COL25A1: variants seen among roughly 807,000 people sequenced by gnomAD.
The protein encoded by COL25A1 is collagen type XXV alpha 1 chain.
A neutral mutation model predicts 128.4 loss-of-function variants in COL25A1; 103 were observed. The observed-to-expected ratio is 0.80, with a 90% CI of 0.68 to 0.94. The LOEUF is 0.94. Ranked by LOEUF, COL25A1 falls within the 40% of genes least tolerant of loss-of-function variation. The pLI, the probability that COL25A1 is intolerant of heterozygous loss-of-function variation, is 0.00. For synonymous variants in COL25A1, 279 were observed against 277.2 expected (o/e 1.01, Z -0.06); for missense variants, 745 against 840.0 (o/e 0.89, Z 1.40).
chr4:108,895,351 C>T (rs1046426712), intron 16 of COL25A1, among the ~76,000 whole-genome samples: 2 of 152,162 alleles, frequency 1.3e-5, no homozygotes, highest in African/African-American at 2.4e-5. Flanking sequence ...AACTACTTAG[C>T]TTGATTTAAA....
chr4:108,852,104 G>C (rs545334871), intron 26 of COL25A1, 132 bp downstream of exon 26: 1 of 604,430 alleles, frequency 1.7e-6, no homozygotes, highest in Non-Finnish European at 2.8e-6. Context: ...TCTTTTCTTC[G>C]CTCTCTAAAA....
At chr4:109,125,857 T>C (rs1320952814) in intron 3 of COL25A1, among the ~76,000 whole-genome samples, 9 of 152,110 alleles carry the variant, frequency 5.9e-5, no homozygotes, top group Non-Finnish European at 1.2e-4. Context: ...AACACAAACA[T>C]TGCCATTTTT....
At chr4:109,036,259 C>A (rs2125921436) in intron 5 of COL25A1, among the ~76,000 whole-genome samples, 1 of 151,910 alleles carries the variant, frequency 6.6e-6, no homozygotes, top group Non-Finnish European at 1.5e-5. Flanking sequence ...TTTTTTTTTC[C>A]CCTCTAAACA....
intron 3 of COL25A1, among the ~76,000 whole-genome samples, chr4:109,291,664 A>G (rs1724483693): frequency 6.6e-6 from 1 of 152,134 alleles, no homozygotes; most frequent in Admixed American, 6.6e-5. Context: ...ATAAAGCTCC[A>G]TATGAATATC....
chr4:109,301,120 C>A (rs1725481197), intron 2 of COL25A1, among the ~76,000 whole-genome samples: 1 of 152,070 alleles, frequency 6.6e-6, no homozygotes, highest in South Asian at 2.1e-4. Context: ...TACCCTTACA[C>A]ATAACATAGA....
chr4:109,279,567 C>T (rs1359487220), intron 3 of COL25A1, among the ~76,000 whole-genome samples: 1 of 152,088 alleles, frequency 6.6e-6, no homozygotes, highest in Non-Finnish European at 1.5e-5. Context: ...CACAGCAAGA[C>T]CCTGTCTCAA....
At chr4:109,207,044 T>C (rs371163785) in intron 3 of COL25A1, among the ~76,000 whole-genome samples, 14 of 152,302 alleles carry the variant, frequency 9.2e-5, no homozygotes, top group African/African-American at 3.1e-4. Flanking sequence ...AAAGCCAAAA[T>C]TGTATGAATC....
At chr4:108,913,235 C>A (rs1744448592) in intron 13 of COL25A1, among the ~76,000 whole-genome samples, 1 of 131,416 alleles carries the variant, frequency 7.6e-6, no homozygotes, top group South Asian at 2.8e-4. Flanking sequence ...AAAAATGGGA[C>A]TTTGTGTGGT....
intron 3 of COL25A1, among the ~76,000 whole-genome samples, chr4:109,153,739 T>G (rs1029358190): frequency 2.0e-5 from 3 of 152,250 alleles, no homozygotes; most frequent in Admixed American, 1.3e-4. Context: ...GACTTTTATA[T>G]GCTCAACATG....
chr4:109,075,431 A>G (rs1000814408), intron 3 of COL25A1, among the ~76,000 whole-genome samples: 2 of 152,106 alleles, frequency 1.3e-5, no homozygotes, highest in Non-Finnish European at 2.9e-5. Context: ...TAAAGACAAG[A>G]CATGACTAGA....
At chr4:109,024,204 G>T (rs1354863305) in intron 5 of COL25A1, among the ~76,000 whole-genome samples, 4 of 152,004 alleles carry the variant, frequency 2.6e-5, no homozygotes, top group Non-Finnish European at 5.9e-5. Context: ...TAGGTTAGGT[G>T]TATTAAATGC....
chr4:109,006,468 G>C (rs1756018255), intron 6 of COL25A1, among the ~76,000 whole-genome samples: 1 of 132,796 alleles, frequency 7.5e-6, no homozygotes, highest in African/African-American at 2.8e-5. Context: ...TCAAACACCT[G>C]ACCTCAAGTG....
At chr4:109,280,887 C>T (rs369211625) in intron 3 of COL25A1, among the ~76,000 whole-genome samples, 2 of 151,832 alleles carry the variant, frequency 1.3e-5, no homozygotes, top group Non-Finnish European at 2.9e-5. Context: ...CCTTGTGATC[C>T]GCCCACCTCG....
At chr4:109,187,405 C>T (rs1775239419) in intron 3 of COL25A1, among the ~76,000 whole-genome samples, 1 of 152,208 alleles carries the variant, frequency 6.6e-6, no homozygotes, top group Non-Finnish European at 1.5e-5. Flanking sequence ...TGCCTGATTG[C>T]AAATCCTAGC....
chr4:109,058,232 GAATGTTTT>G (rs1761624527), intron 3 of COL25A1, among the ~76,000 whole-genome samples: 2 of 152,114 alleles, frequency 1.3e-5, no homozygotes, highest in Non-Finnish European at 2.9e-5. Flanking sequence ...TATGGTACTA[GAATGTTTT>G]ACCCCAGGAT....
At position 109,178,893 on chromosome 4, in the gene COL25A1, C is replaced by T. The variant is rs547058667; in HGVS notation, c.367+121690G>A. ...CATATCACCTAGCCAATCTGCTTCA[C>T]ATGAATTTTGAGACTCAAACCAAAT... On this transcript the variant is annotated intron_variant, in intron 3 of 37. Transcript: ENST00000399132. Among the ~76,000 whole-genome samples the T allele has an allele frequency of 2.1e-5, 3 of 145,986 alleles. No individual in the cohort carries two copies. The East Asian group carries it at 6.0e-4, about 29-fold the overall frequency.
intron 3 of COL25A1, among the ~76,000 whole-genome samples, chr4:109,293,957 T>C (rs1273825649): frequency 1.3e-5 from 2 of 152,140 alleles, no homozygotes; most frequent in African/African-American, 4.8e-5. Context: ...ACTGGGACAC[T>C]AGCTTAAACT....
At chr4:109,086,259 G>A (rs1244666383) in intron 3 of COL25A1, among the ~76,000 whole-genome samples, 1 of 152,108 alleles carries the variant, frequency 6.6e-6, no homozygotes, top group East Asian at 1.9e-4. Flanking sequence ...TAACACACTG[G>A]CCAAAGGATG....
intron 8 of COL25A1, among the ~76,000 whole-genome samples, chr4:108,959,149 T>A (rs1030407969): frequency 2.6e-5 from 4 of 151,924 alleles, no homozygotes; most frequent in Non-Finnish European, 4.4e-5. Context: ...ACAGGTTGGG[T>A]GTCACTGGGG....
Sources: allele counts gnomAD v4.1 joint callset (sites outside exome capture counted in the v4.1 genomes callset), GRCh38; gene constraint gnomAD v4.1.1; transcripts MANE v1.5; gene names NCBI Gene and HGNC (gene_info 2026-07-23, HGNC 2026-07-21).